The following NSD3 variants were observed in gnomAD, a reference collection of about 807,000 sequenced individuals.
NSD3 encodes nuclear receptor binding SET domain protein 3.
Under a neutral mutation model 160.8 loss-of-function variants are expected in NSD3, and 24 were observed. The ratio of observed to expected loss-of-function variants is 0.15; its 90% confidence interval spans 0.11 to 0.21. The LOEUF (loss-of-function observed/expected upper bound fraction) is 0.21. Ranked by LOEUF, NSD3 falls within the 10% of genes least tolerant of loss-of-function variation. The pLI is 1.00. For missense variants in NSD3, 1,157 were observed against 1,735.9 expected (o/e 0.67, Z 5.93); for synonymous variants, 520 against 600.0 (o/e 0.87, Z 1.95).
chr8:38,270,207 T>C lies in NSD3; in HGVS notation c.*5434A>G, dbSNP rs1223942785. Reference sequence around the variant, plus strand: ...ATTGACTTTAGTGAATATTGATGCTTTGTTATTAAAGACTCAAGTCTCAAG... The same window carrying C: ...ATTGACTTTAGTGAATATTGATGCTCTGTTATTAAAGACTCAAGTCTCAAG... On this transcript the variant is annotated 3_prime_UTR_variant, in exon 24 of 24. Coordinates refer to ENST00000317025, the MANE Select transcript of NSD3 (RefSeq NM_023034.2). 6.6e-6 allele frequency: 1 copy of C among 152,218 alleles called. No individual in the cohort carries two copies. Among genetic ancestry groups the C allele is most frequent in the Non-Finnish European group, 1.5e-5 (1 of 68,046 alleles). The allele number at this position is 152,218 out of a possible 1,614,324, so 9.4% of individuals were successfully genotyped here.
intron 14 of NSD3, among the ~76,000 whole-genome samples, chr8:38,301,111 AGCCATTTGTCCCCAT>A (rs1809265448): frequency 1.3e-5 from 2 of 152,274 alleles, no homozygotes; most frequent in East Asian, 3.9e-4. Flanking sequence ...CTAGGACTAC[AGCCATTTGTCCCCAT>A]GCCTGGCTAC....
At chr8:38,350,900 T>A (rs1810676736) in intron 1 of NSD3, among the ~76,000 whole-genome samples, 1 of 151,916 alleles carries the variant, frequency 6.6e-6, no homozygotes, top group Non-Finnish European at 1.5e-5. Flanking sequence ...CACGTGCACA[T>A]CACAGAATAG....
chr8:38,314,454 G>A (rs1291052199), intron 12 of NSD3, among the ~76,000 whole-genome samples, 193 bp downstream of exon 12: 1 of 152,162 alleles, frequency 6.6e-6, no homozygotes, highest in Non-Finnish European at 1.5e-5. Flanking sequence ...ATGGTAGAAG[G>A]CACCAGTAGG....
At chr8:38,315,691 A>T in intron 10 of NSD3, 147 bp from the exon 11 acceptor site, 1 of 1,282,180 alleles carries the variant, frequency 7.8e-7, no homozygotes, top group South Asian at 1.5e-5. Context: ...AAATCCACAG[A>T]TATCATAGGT....
intron 1 of NSD3, among the ~76,000 whole-genome samples, chr8:38,361,111 C>T (rs1022995321): frequency 6.6e-6 from 1 of 152,078 alleles, no homozygotes; most frequent in Admixed American, 6.5e-5. Context: ...CTGCAACCTC[C>T]GCCTCCCGAG....
intron 1 of NSD3, among the ~76,000 whole-genome samples, chr8:38,372,557 C>T (rs986167081): frequency 1.3e-5 from 2 of 148,752 alleles, no homozygotes; most frequent in East Asian, 4.0e-4. Context: ...TGTGAGGTGA[C>T]GTAATCTCGG....
At chr8:38,306,169 A>T (rs1363875516) in intron 12 of NSD3, among the ~76,000 whole-genome samples, 1 of 152,122 alleles carries the variant, frequency 6.6e-6, no homozygotes, top group Non-Finnish European at 1.5e-5. Flanking sequence ...TAAGAATAAT[A>T]AAAAAAGGAG....
intron 1 of NSD3, among the ~76,000 whole-genome samples, chr8:38,366,003 C>T (rs1457592893): frequency 2.0e-5 from 3 of 149,290 alleles, no homozygotes; most frequent in East Asian, 2.0e-4. Context: ...ATGGAACTCT[C>T]GGGAGGCTGA....
chr8:38,305,107 T>C (rs1239593392), intron 13 of NSD3, 141 bp downstream of exon 13: 13 of 809,400 alleles, frequency 1.6e-5, no homozygotes. Flanking sequence ...ACATGTACTG[T>C]GTATGTACTG....
chr8:38,277,470 G>A (rs1286003861), intron 22 of NSD3, among the ~76,000 whole-genome samples: 1 of 152,066 alleles, frequency 6.6e-6, no homozygotes, highest in Non-Finnish European at 1.5e-5. Flanking sequence ...TAGAGATGGG[G>A]TTTCACCATG....
chr8:38,313,203 G>T (rs1809574148), intron 12 of NSD3, among the ~76,000 whole-genome samples: 1 of 152,118 alleles, frequency 6.6e-6, no homozygotes, highest in Admixed American at 6.5e-5. Flanking sequence ...ATGTGTGTGT[G>T]TATTTGTGTG....
intron 14 of NSD3, chr8:38,299,894 C>T (rs1280135509): frequency 4.3e-6 from 1 of 234,366 alleles, no homozygotes; most frequent in Non-Finnish European, 8.2e-6. Flanking sequence ...GAAAACAAAG[C>T]TACACTGCTT....
intron 15 of NSD3, among the ~76,000 whole-genome samples, chr8:38,298,162 T>A (rs1055096781): frequency 1.3e-5 from 2 of 152,174 alleles, no homozygotes; most frequent in Admixed American, 6.5e-5. Flanking sequence ...CATGTCAAAG[T>A]TAATACTGAG....
intron 15 of NSD3, among the ~76,000 whole-genome samples, chr8:38,297,035 C>G (rs550285668): frequency 6.6e-6 from 1 of 152,110 alleles, no homozygotes; most frequent in Non-Finnish European, 1.5e-5. Flanking sequence ...CAGTTTGATT[C>G]TGTACAAATG....
intron 1 of NSD3, among the ~76,000 whole-genome samples, chr8:38,358,953 G>T (rs1810891303): frequency 6.6e-6 from 1 of 151,838 alleles, no homozygotes; most frequent in African/African-American, 2.4e-5. Flanking sequence ...ATTATTTTCA[G>T]TATATGGGTT....
Position 38,318,005 on chromosome 8 carries a change from C to A in NSD3, c.1855+890G>T. The A allele has an allele frequency of 6.2e-7, 1 of 1,614,194 alleles. No individual in the cohort carries two copies. The highest frequency in any genetic ancestry group is 8.5e-7 in the Non-Finnish European group (1 of 1,180,036). On this transcript the variant is annotated intron_variant, in intron 9 of 23. Transcript: ENST00000317025. This position sits in a 1 kb window ranked among gnomAD's most constrained non-coding sequence, Gnocchi z 5.3. ...TGCGGAGACGGAGCTGTCACTGAATCTGACAGAGCCCTGCACTCCCCGGTC... is the reference window on the plus strand; with the variant it reads ...TGCGGAGACGGAGCTGTCACTGAATATGACAGAGCCCTGCACTCCCCGGTC...
chr8:38,345,196 A>C (rs1338915442), intron 2 of NSD3, among the ~76,000 whole-genome samples: 1 of 150,814 alleles, frequency 6.6e-6, no homozygotes, highest in East Asian at 2.0e-4. Flanking sequence ...GGAAGGGAAG[A>C]AAGAAGGGGT....
chr8:38,315,116 G>A (rs1809627019), intron 11 of NSD3, among the ~76,000 whole-genome samples: 1 of 152,056 alleles, frequency 6.6e-6, no homozygotes, highest in Admixed American at 6.5e-5. Flanking sequence ...TTCAAGAACG[G>A]TAAAAATACA....
At chr8:38,298,479 CA>C (rs1809207250) in intron 15 of NSD3, among the ~76,000 whole-genome samples, 1 of 151,918 alleles carries the variant, frequency 6.6e-6, no homozygotes, top group Admixed American at 6.6e-5. Flanking sequence ...AAAGATACAT[CA>C]AACAGGCAAC....
Sources: gnomAD v4.1 joint callset for allele counts (sites outside exome capture counted in the v4.1 genomes callset) on GRCh38, gnomAD v4.1.1 for gene constraint, Gnocchi (gnomAD v3.1) non-coding constraint, MANE v1.5 for transcripts, NCBI Gene and HGNC (gene_info 2026-07-23, HGNC 2026-07-21) for gene names.